DIAPH2: variants seen among roughly 807,000 people sequenced by gnomAD.
DIAPH2 encodes the protein diaphanous related formin 2.
Under a neutral mutation model 92.7 loss-of-function variants are expected in DIAPH2, and 35 were observed. That is an observed-to-expected ratio of 0.38 (90% CI 0.29 to 0.50). The LOEUF (loss-of-function observed/expected upper bound fraction) is 0.50, where lower values mean the gene tolerates loss of function less well. Ranked by LOEUF, DIAPH2 falls within the 20% of genes least tolerant of loss-of-function variation. DIAPH2 has a pLI of 0.94. For missense variants in DIAPH2, 701 were observed against 819.5 expected, an observed-to-expected ratio of 0.86 and a Z score of 1.77; for synonymous variants, 301 against 280.4, an observed-to-expected ratio of 1.07 and a Z score of -0.73.
At position 96,685,044 on chromosome X, in the gene DIAPH2, C is replaced by T; in HGVS notation, c.-15C>T. 1 of 991,543 alleles carries T rather than the reference C, an allele frequency of 1.0e-6. No homozygotes were observed. Among genetic ancestry groups the T allele is most frequent in the South Asian group, 3.9e-5 (1 of 25,962 alleles). 81.7% of individuals were successfully genotyped at this position (991,543 alleles called of 1,213,427 possible). A position where few individuals can be genotyped will look rare whatever the true frequency, so the allele number is the denominator to read the frequency against. ...AGGTGGGGTTACAGGGCACAGGTGACAGGGCCGGAGAAAGATGGAGCAGCC... is the reference window on the plus strand; with the variant it reads ...AGGTGGGGTTACAGGGCACAGGTGATAGGGCCGGAGAAAGATGGAGCAGCC... On this transcript the variant is annotated 5_prime_UTR_variant, in exon 1 of 27. Transcript: ENST00000324765.
intron 26 of DIAPH2, among the ~76,000 whole-genome samples, chrX:97,593,888 A>G (rs1602689428): frequency 8.9e-6 from 1 of 111,822 alleles, no homozygotes; most frequent in East Asian, 2.8e-4. Flanking sequence ...TGCAAAAAGA[A>G]TGAATCAGAT....
At chrX:97,247,891 T>C in intron 23 of DIAPH2, 52 bp downstream of exon 23, 1 of 1,104,802 alleles carries the variant, frequency 9.1e-7, no homozygotes, top group Non-Finnish European at 1.2e-6. Context: ...TCTATGTCTG[T>C]CTGTTTACTA....
At chrX:97,218,728 T>A (rs1289239123) in intron 22 of DIAPH2, among the ~76,000 whole-genome samples, 1 of 111,956 alleles carries the variant, frequency 8.9e-6, no homozygotes, top group African/African-American at 3.2e-5. Flanking sequence ...AATATTTGCA[T>A]ACAATCTAAG....
chrX:97,237,126 T>C (rs1378730155), intron 22 of DIAPH2, among the ~76,000 whole-genome samples: 1 of 112,336 alleles, frequency 8.9e-6, no homozygotes, highest in Non-Finnish European at 1.9e-5. Context: ...TTTCTTAAAC[T>C]AGGATTTTCT....
At chrX:97,363,340 C>A (rs1274652486) in intron 24 of DIAPH2, among the ~76,000 whole-genome samples, 2 of 110,875 alleles carry the variant, frequency 1.8e-5, no homozygotes, top group African/African-American at 6.6e-5. Flanking sequence ...GAAAACAAAG[C>A]AAAACAGTAT....
chrX:96,906,773 A>C (rs149673512), intron 5 of DIAPH2, among the ~76,000 whole-genome samples: 455 of 112,003 alleles, frequency 4.1e-3, no homozygotes, highest in Non-Finnish European at 7.1e-3. Flanking sequence ...CTTGGAAAAA[A>C]GTCTTTAATT....
intron 26 of DIAPH2, among the ~76,000 whole-genome samples, chrX:97,549,343 TTA>T (rs2071203493): frequency 8.9e-6 from 1 of 111,818 alleles, no homozygotes; most frequent in Non-Finnish European, 1.9e-5. Flanking sequence ...TTTAAAAAAA[TTA>T]TATTGAAATA....
chrX:97,311,984 A>G (rs768159415), intron 23 of DIAPH2, among the ~76,000 whole-genome samples: 1 of 108,335 alleles, frequency 9.2e-6, no homozygotes, highest in South Asian at 4.2e-4. Context: ...CCCGCCACCA[A>G]GCCCGGCTAG....
chrX:97,159,318 A>G (rs920517343), intron 22 of DIAPH2, among the ~76,000 whole-genome samples: 4 of 112,144 alleles, frequency 3.6e-5, no homozygotes, highest in African/African-American at 9.7e-5. Flanking sequence ...ATTACTTCTT[A>G]TGTTATGAAA....
At chrX:97,137,411 C>T (rs746723451) in intron 21 of DIAPH2, among the ~76,000 whole-genome samples, 1 of 105,333 alleles carries the variant, frequency 9.5e-6, no homozygotes, top group Non-Finnish European at 1.9e-5. Context: ...TTCTAACATC[C>T]TCCTAGGCAC....
chrX:96,937,167 T>C, intron 10 of DIAPH2, 66 bp from the exon 11 acceptor site: 1 of 545,295 alleles, frequency 1.8e-6, no homozygotes, highest in Non-Finnish European at 2.8e-6. Flanking sequence ...TGTTCTGCCC[T>C]TTATTACCTA....
intron 4 of DIAPH2, among the ~76,000 whole-genome samples, chrX:96,833,307 A>G (rs895308549): frequency 9.0e-6 from 1 of 111,632 alleles, no homozygotes; most frequent in African/African-American, 3.2e-5. Context: ...AAAATTTTCT[A>G]TTATCCCTAA....
rs540748293 is a variant in DIAPH2 at position 97,226,348 on chromosome X, T to G, written c.2720-21367T>G. Among the ~76,000 whole-genome samples the G allele has an allele frequency of 7.7e-4, 85 of 110,561 alleles. 1 individual carries two copies. The South Asian group carries it at 0.021, about 27-fold the overall frequency. On this transcript the variant is annotated intron_variant, in intron 22 of 26. Coordinates refer to ENST00000324765, the MANE Select transcript of DIAPH2 (RefSeq NM_006729.5). ...GAGGAATGAGTATACGTTTTTTGTT[T>G]TTTGTTTTTTGTTTTATTTTGTTTT...
intron 23 of DIAPH2, among the ~76,000 whole-genome samples, chrX:97,271,182 A>G (rs1480741583): frequency 9.0e-6 from 1 of 111,400 alleles, no homozygotes; most frequent in Non-Finnish European, 1.9e-5. Flanking sequence ...CTGTGGGCAG[A>G]AACTGCTAAT....
intron 17 of DIAPH2, among the ~76,000 whole-genome samples, chrX:97,062,904 G>A (rs1052591851): frequency 9.3e-6 from 1 of 107,693 alleles, no homozygotes; most frequent in African/African-American, 3.4e-5. Flanking sequence ...CATGGTGGCA[G>A]GCGCCTGTAA....
At chrX:97,135,034 T>C (rs548524164) in intron 21 of DIAPH2, among the ~76,000 whole-genome samples, 1 of 111,882 alleles carries the variant, frequency 8.9e-6, no homozygotes, top group South Asian at 3.7e-4. Flanking sequence ...CATTCAACAT[T>C]TACTGAATAA....
At chrX:97,420,044 C>T (rs963305158) in intron 25 of DIAPH2, among the ~76,000 whole-genome samples, 1 of 110,666 alleles carries the variant, frequency 9.0e-6, no homozygotes, top group Non-Finnish European at 1.9e-5. Context: ...TTCTGGTAAG[C>T]GTTAACATTT....
At chrX:97,501,446 T>C (rs933278828) in intron 26 of DIAPH2, among the ~76,000 whole-genome samples, 18 of 112,432 alleles carry the variant, frequency 1.6e-4, no homozygotes, top group African/African-American at 5.5e-4. Flanking sequence ...CATTAACTTA[T>C]ATCTAAAAGT....
At chrX:97,289,156 G>C (rs369980742) in intron 23 of DIAPH2, among the ~76,000 whole-genome samples, 264 of 111,486 alleles carry the variant, frequency 2.4e-3, no homozygotes, top group African/African-American at 7.9e-3. Context: ...TCTCTAAATT[G>C]ATGTTAAAAC....
Sources: allele counts gnomAD v4.1 joint callset (sites outside exome capture counted in the v4.1 genomes callset), GRCh38; gene constraint gnomAD v4.1.1; transcripts MANE v1.5; gene names NCBI Gene and HGNC (gene_info 2026-07-23, HGNC 2026-07-21).